The following TINAG variants were observed in gnomAD, a reference collection of about 807,000 sequenced individuals.
The protein encoded by TINAG is tubulointerstitial nephritis antigen.
A neutral mutation model predicts 72.7 loss-of-function variants in TINAG; 83 were observed. The observed-to-expected ratio is 1.14, with a 90% CI of 0.96 to 1.37. The LOEUF (loss-of-function observed/expected upper bound fraction) is 1.37, where lower values mean the gene tolerates loss of function less well. Among genes scored for constraint, TINAG ranks in the 40% most tolerant of loss-of-function variants. The pLI, the probability that TINAG is intolerant of heterozygous loss-of-function variation, is 0.00. For synonymous variants in TINAG, 234 were observed against 189.9 expected (o/e 1.23, Z -1.91); for missense variants, 685 against 576.6 (o/e 1.19, Z -1.93).
intron 7 of TINAG, among the ~76,000 whole-genome samples, chr6:54,350,260 C>T (rs1276357321): frequency 6.6e-6 from 1 of 151,962 alleles, no homozygotes; most frequent in Non-Finnish European, 1.5e-5. Flanking sequence ...CTTTGCCTCA[C>T]TCAACAAAAT....
chr6:54,340,531 G>C (rs925899546), intron 4 of TINAG, among the ~76,000 whole-genome samples: 2 of 152,020 alleles, frequency 1.3e-5, no homozygotes, highest in Non-Finnish European at 2.9e-5. Flanking sequence ...GAGGAATACA[G>C]TAATTGTGAA....
chr6:54,349,945 T>C, intron 7 of TINAG, 49 bp downstream of exon 7: 1 of 1,334,390 alleles, frequency 7.5e-7, no homozygotes, highest in Non-Finnish European at 1.0e-6. Flanking sequence ...CTCAAATGTA[T>C]ATAGCTCTAC....
At chr6:54,377,706 G>C (rs1222888302) in intron 9 of TINAG, among the ~76,000 whole-genome samples, 1 of 151,944 alleles carries the variant, frequency 6.6e-6, no homozygotes, top group East Asian at 1.9e-4. Context: ...TGACTTATAA[G>C]AGAACATTTG....
At chr6:54,351,915 A>C (rs1388415948) in intron 8 of TINAG, among the ~76,000 whole-genome samples, 1 of 151,914 alleles carries the variant, frequency 6.6e-6, no homozygotes, top group African/African-American at 2.4e-5. Flanking sequence ...AATTTTGATC[A>C]ATTTTGTAAA....
intron 9 of TINAG, chr6:54,365,186 A>C (rs986995757): frequency 2.6e-5 from 4 of 151,578 alleles, no homozygotes; most frequent in Admixed American, 6.6e-5. Flanking sequence ...GCAAATGCAA[A>C]TAAATGTGCG....
intron 4 of TINAG, among the ~76,000 whole-genome samples, chr6:54,329,046 C>T (rs565611360): frequency 3.3e-5 from 5 of 152,174 alleles, no homozygotes; most frequent in Admixed American, 2.6e-4. Flanking sequence ...TTGGAAAACA[C>T]ACTTCAGGAT....
rs369606047 is a variant in TINAG, at chr6:54,342,419, C to T, written c.625-807C>T. Among the ~76,000 whole-genome samples the T allele has an allele frequency of 2.4e-4, 36 of 150,602 alleles. No individual in the cohort carries two copies. In the Middle Eastern group the frequency reaches 0.014, roughly 59 times the overall value. ...TGTCGCCCAGGCTGGAGAGCAGTAG[C>T]GCGATCTCGGCTCACTGCAACCTCT... On this transcript the variant is annotated intron_variant, in intron 4 of 10. Coordinates refer to ENST00000259782, the MANE Select transcript of TINAG (RefSeq NM_014464.4).
intron 8 of TINAG, among the ~76,000 whole-genome samples, 194 bp from the exon 9 acceptor site, chr6:54,354,319 A>G (rs1167968595): frequency 1.3e-5 from 2 of 151,912 alleles, no homozygotes; most frequent in East Asian, 3.9e-4. Flanking sequence ...AATAGCTAAA[A>G]GTTGTTTTTA....
intron 6 of TINAG, among the ~76,000 whole-genome samples, chr6:54,348,426 C>A (rs1455639909): frequency 1.3e-5 from 2 of 152,032 alleles, no homozygotes; most frequent in Non-Finnish European, 2.9e-5. Flanking sequence ...GACTAAATCT[C>A]ATTGTATTGG....
At chr6:54,331,770 G>A (rs1435382883) in intron 4 of TINAG, among the ~76,000 whole-genome samples, 12 of 136,406 alleles carry the variant, frequency 8.8e-5, no homozygotes, top group Admixed American at 8.5e-4. Context: ...GTCTTAGGAT[G>A]TAAATCAATG....
At chr6:54,335,560 A>G (rs2150948715) in intron 4 of TINAG, among the ~76,000 whole-genome samples, 1 of 152,310 alleles carries the variant, frequency 6.6e-6, no homozygotes, top group East Asian at 1.9e-4. Flanking sequence ...GGCAGAATAG[A>G]ATCAGAAATA....
In TINAG at chr6:54,343,278, A is replaced by G; in HGVS notation, c.677A>G (p.Lys226Arg). 1 of 1,586,150 alleles carries G rather than the reference A, an allele frequency of 6.3e-7. No homozygotes were observed. Among genetic ancestry groups the G allele is most frequent in the Non-Finnish European group, 8.6e-7 (1 of 1,164,460 alleles). Residue 226 changes from lysine (K) to arginine (R), a missense_variant, in exon 5 of 11, where the codon AAA (lysine) becomes AGA (arginine). Coordinates refer to ENST00000259782, the MANE Select transcript of TINAG (RefSeq NM_014464.4). Reference protein sequence around the residue: ...DLPEFFVASYKWPGWTHGPLD... With the variant: ...DLPEFFVASYRWPGWTHGPLD... ...CCAGAGTTTTTTGTTGCTTCTTATA[A>G]ATGGCCTGGATGGACTCATGGCCCA...
At chr6:54,313,101 C>T (rs1003868603) in intron 1 of TINAG, among the ~76,000 whole-genome samples, 1 of 151,986 alleles carries the variant, frequency 6.6e-6, no homozygotes, top group Non-Finnish European at 1.5e-5. Flanking sequence ...ATAGAAAATA[C>T]ATGTTTAAAA....
Position 54,351,347 on chromosome 6 carries a change from T to C in TINAG, c.1081-5T>C. On this transcript the variant is annotated splice_polypyrimidine_tract_variant and splice_region_variant and intron_variant, in intron 7 of 10. Coordinates refer to ENST00000259782, the MANE Select transcript of TINAG (RefSeq NM_014464.4). ...GATATTGCTTATTCATATTTTTCCA[T>C]CCAGGAAACTGAGATAATGAAAGAA... 6.2e-7 allele frequency: 1 copy of C among 1,608,604 alleles called. No individual in the cohort carries two copies. The highest frequency in any genetic ancestry group is 8.5e-7 in the Non-Finnish European group (1 of 1,176,500).
intron 8 of TINAG, 62 bp downstream of exon 8, chr6:54,351,459 A>G (rs1348029697): frequency 2.7e-6 from 4 of 1,469,298 alleles, no homozygotes; most frequent in Non-Finnish European, 3.8e-6. Flanking sequence ...CATTACATTG[A>G]GCTCATGTAA....
intron 1 of TINAG, among the ~76,000 whole-genome samples, chr6:54,311,252 T>C (rs1784250125): frequency 6.6e-6 from 1 of 152,180 alleles, no homozygotes; most frequent in South Asian, 2.1e-4. Flanking sequence ...GGCTTCTGAC[T>C]GATGCTTCAT....
Position 54,343,443 on chromosome 6 carries a change from T to G in TINAG, c.748+94T>G, listed in dbSNP as rs113500414. On this transcript the variant is annotated intron_variant, in intron 5 of 10. Transcript: ENST00000259782. ...TGAACAATTTTAACAATTAGAATATTTAAATATTAGCATATGATCAAATAA... is the reference window on the plus strand; with the variant it reads ...TGAACAATTTTAACAATTAGAATATGTAAATATTAGCATATGATCAAATAA... The G allele has an allele frequency of 5.2e-6, 6 of 1,156,962 alleles. No homozygotes were observed. The African/African-American group carries it at 9.6e-5, about 18-fold the overall frequency. The allele number at this position is 1,156,962 out of a possible 1,614,324, so 71.7% of individuals were successfully genotyped here. A position where few individuals can be genotyped will look rare whatever the true frequency, so the allele number is the denominator to read the frequency against.
At chr6:54,387,644 A>G (rs1764133222) in intron 10 of TINAG, among the ~76,000 whole-genome samples, 1 of 152,164 alleles carries the variant, frequency 6.6e-6, no homozygotes, top group Non-Finnish European at 1.5e-5. Context: ...TAAACTTCAT[A>G]AACACATGTA....
chr6:54,315,914 T>A (rs944513655), intron 1 of TINAG, among the ~76,000 whole-genome samples: 4 of 152,134 alleles, frequency 2.6e-5, no homozygotes, highest in Non-Finnish European at 4.4e-5. Context: ...CGAAGAGGGT[T>A]ATTTACTTCT....
Sources: allele counts gnomAD v4.1 joint callset (sites outside exome capture counted in the v4.1 genomes callset), GRCh38; gene constraint gnomAD v4.1.1; transcripts MANE v1.5; gene names NCBI Gene and HGNC (gene_info 2026-07-23, HGNC 2026-07-21).